Variants in CCDC7 observed in about 807,000 individuals in gnomAD.
CCDC7 encodes the protein coiled-coil domain containing 7.
CCDC7 carries 183 observed loss-of-function variants against 196.9 expected under a neutral mutation model. The observed-to-expected ratio is 0.93, with a 90% CI of 0.82 to 1.05. CCDC7 has a LOEUF of 1.05. Among genes scored for constraint, CCDC7 ranks in the 50% least tolerant of loss-of-function variants. The pLI is 0.00. For synonymous variants in CCDC7, 525 were observed against 484.6 expected (o/e 1.08, Z -1.10); for missense variants, 1,540 against 1,482.2 (o/e 1.04, Z -0.64).
At chr10:32,725,788 AG>A (rs2083034926) in intron 25 of CCDC7, among the ~76,000 whole-genome samples, 3 of 151,752 alleles carry the variant, frequency 2.0e-5, no homozygotes, top group African/African-American at 2.4e-5. Context: ...TACCATAGAG[AG>A]GGCACCAAGC....
At chr10:32,740,445 A>T (rs990402340) in intron 28 of CCDC7, among the ~76,000 whole-genome samples, 2 of 152,234 alleles carry the variant, frequency 1.3e-5, no homozygotes, top group African/African-American at 2.4e-5. Context: ...AACCAAATAT[A>T]GATTAAAAAT....
At chr10:32,809,263 A>G (rs915212411) in intron 30 of CCDC7, among the ~76,000 whole-genome samples, 2 of 152,204 alleles carry the variant, frequency 1.3e-5, no homozygotes, top group Admixed American at 1.3e-4. Context: ...CCTGAAACAG[A>G]ATTGAAAATA....
intron 5 of CCDC7, among the ~76,000 whole-genome samples, chr10:32,469,169 C>A (rs185123755): frequency 2.6e-5 from 4 of 152,200 alleles, no homozygotes; most frequent in African/African-American, 9.6e-5. Context: ...TATCGAGAGT[C>A]TAATCAAGGG....
exon 1 of CCDC7, chr10:32,451,867 G>T (rs762095619): frequency 1.9e-6 from 3 of 1,613,210 alleles, no homozygotes; most frequent in East Asian, 2.2e-5. Flanking sequence ...GTAAGACAAA[G>T]AACTTACTAC....
chr10:32,500,204 G>A (rs552247475), intron 9 of CCDC7, among the ~76,000 whole-genome samples: 11 of 142,888 alleles, frequency 7.7e-5, no homozygotes, highest in African/African-American at 2.1e-4. Context: ...CCCACCTCCC[G>A]GATGGGGCGG....
At chr10:32,789,238 A>C (rs2082319611) in intron 29 of CCDC7, among the ~76,000 whole-genome samples, 1 of 152,182 alleles carries the variant, frequency 6.6e-6, no homozygotes, top group Non-Finnish European at 1.5e-5. Context: ...CAAAAAGAGC[A>C]CTAGTAATTG....
At position 32,719,911 on chromosome 10, in the gene CCDC7, A is replaced by C. The variant is rs189138749; in HGVS notation, c.2570-6823A>C. Among the ~76,000 whole-genome samples the C allele has an allele frequency of 2.7e-4, 41 of 152,312 alleles. No homozygotes were observed. In the East Asian group the frequency reaches 7.1e-3, roughly 26 times the overall value. On this transcript the variant is annotated intron_variant, in intron 25 of 41. Transcript: ENST00000639629. ...TGTGGAGAAATAGGAATGGTTTTACACTGTTGATGGGAGTGTAAATTAGTT... is the reference window on the plus strand; with the variant it reads ...TGTGGAGAAATAGGAATGGTTTTACCCTGTTGATGGGAGTGTAAATTAGTT...
At chr10:32,451,252 A>T (rs1235576204), upstream of CCDC7, among the ~76,000 whole-genome samples, 1 of 152,188 alleles carries the variant, frequency 6.6e-6, no homozygotes, top group Non-Finnish European at 1.5e-5. Flanking sequence ...TAGTCACTTA[A>T]CTTGTCTGAG....
chr10:32,811,262 T>C (rs192153685), intron 30 of CCDC7, among the ~76,000 whole-genome samples: 1 of 151,866 alleles, frequency 6.6e-6, no homozygotes, highest in East Asian at 1.9e-4. Context: ...CTAGGTAGAC[T>C]AACTTAAAAA....
intron 18 of CCDC7, among the ~76,000 whole-genome samples, chr10:32,630,589 C>A (rs182652345): frequency 6.6e-6 from 1 of 152,086 alleles, no homozygotes; most frequent in African/African-American, 2.4e-5. Flanking sequence ...CAGCACTCCA[C>A]TTATAGCATT....
chr10:32,749,788 C>T (rs886661037), intron 28 of CCDC7, among the ~76,000 whole-genome samples: 4 of 152,080 alleles, frequency 2.6e-5, no homozygotes, highest in African/African-American at 9.7e-5. Context: ...GTGTTTACTA[C>T]AAAATATGTT....
At chr10:32,834,894 T>A (rs1305763288) in exon 33 of CCDC7, 1 of 1,402,382 alleles carries the variant, frequency 7.1e-7, no homozygotes, top group Non-Finnish European at 1.0e-6. Context: ...CAAAGAGTCA[T>A]GGAGGTAAGA....
intron 28 of CCDC7, among the ~76,000 whole-genome samples, chr10:32,758,599 C>G (rs1226427517): frequency 6.6e-6 from 1 of 152,048 alleles, no homozygotes; most frequent in Non-Finnish European, 1.5e-5. Context: ...GGACATATCT[C>G]AAAATAATGA....
chr10:32,756,490 T>G (rs977134207), intron 28 of CCDC7, among the ~76,000 whole-genome samples: 2 of 152,168 alleles, frequency 1.3e-5, no homozygotes, highest in African/African-American at 4.8e-5. Context: ...GAATTTCATA[T>G]CCAGCCAAAC....
intron 41 of CCDC7, among the ~76,000 whole-genome samples, chr10:32,859,053 C>T (rs144053136): frequency 0.012 from 1,901 of 152,232 alleles, 21 homozygotes; most frequent in Non-Finnish European, 0.019. Context: ...GAACTCAGCT[C>T]TGGACCAAGC....
At position 32,462,903 on chromosome 10, in the gene CCDC7, T is replaced by G; in HGVS notation, c.478-114T>G. On this transcript the variant is annotated intron_variant, in intron 4 of 41. Coordinates refer to ENST00000639629, the Ensembl canonical transcript of CCDC7. The stretch of plus-strand genomic sequence containing the variant: ...AGTGATGTTTCGGTCAGGGCTGATA[T>G]TTGATGGATGAAGATTCAGAGACAC... The G allele has an allele frequency of 3.4e-6, 5 of 1,491,136 alleles. No homozygotes were observed. In the South Asian group the frequency reaches 4.9e-5, roughly 15 times the overall value. 92.4% of individuals were successfully genotyped at this position (1,491,136 alleles called of 1,614,324 possible). A position where few individuals can be genotyped will look rare whatever the true frequency, so the allele number is the denominator to read the frequency against.
At chr10:32,620,633 C>A (rs928340898) in intron 18 of CCDC7, among the ~76,000 whole-genome samples, 1 of 152,062 alleles carries the variant, frequency 6.6e-6, no homozygotes, top group African/African-American at 2.4e-5. Context: ...CACTGCTAGA[C>A]ACTGTTGATT....
chr10:32,588,716 G>A (rs2059520549), intron 18 of CCDC7, among the ~76,000 whole-genome samples: 1 of 152,032 alleles, frequency 6.6e-6, no homozygotes, highest in Non-Finnish European at 1.5e-5. Context: ...AGTGTGAGGA[G>A]AATTGGTGTT....
intron 18 of CCDC7, among the ~76,000 whole-genome samples, chr10:32,606,522 AC>A (rs2061573888): frequency 6.6e-6 from 1 of 152,212 alleles, no homozygotes; most frequent in Non-Finnish European, 1.5e-5. Flanking sequence ...TTTGGGGCTT[AC>A]CCTGCACAGC....
Sources: allele counts gnomAD v4.1 joint callset (sites outside exome capture counted in the v4.1 genomes callset), GRCh38; gene constraint gnomAD v4.1.1; transcripts MANE v1.5; gene names NCBI Gene and HGNC (gene_info 2026-07-23, HGNC 2026-07-21).